Variants in STK10 observed in about 807,000 individuals in gnomAD.
The protein encoded by STK10 is serine/threonine-protein kinase 10.
STK10 carries 78 observed loss-of-function variants against 113.8 expected under a neutral mutation model. That is an observed-to-expected ratio of 0.69 (90% CI 0.57 to 0.83). The LOEUF (loss-of-function observed/expected upper bound fraction) is 0.83, where lower values mean the gene tolerates loss of function less well. STK10 is among the 40% of genes least tolerant of loss of function. The pLI, the probability that STK10 is intolerant of heterozygous loss-of-function variation, is 0.00. For synonymous variants in STK10, 465 were observed against 494.7 expected (o/e 0.94, Z 0.80); for missense variants, 1,109 against 1,280.1 (o/e 0.87, Z 2.04).
chr5:172,146,531 C>T (rs1200932615), intron 2 of STK10, among the ~76,000 whole-genome samples: 1 of 152,184 alleles, frequency 6.6e-6, no homozygotes, highest in Non-Finnish European at 1.5e-5. Context: ...GAATCATCTG[C>T]TCCTATCTCA....
intron 2 of STK10, among the ~76,000 whole-genome samples, chr5:172,139,132 A>G (rs993058885): frequency 6.6e-6 from 1 of 152,242 alleles, no homozygotes; most frequent in Non-Finnish European, 1.5e-5. Context: ...TGATCTACAG[A>G]TTCATTGTAA....
chr5:172,142,551 G>A (rs1769996756), intron 2 of STK10, among the ~76,000 whole-genome samples: 1 of 152,200 alleles, frequency 6.6e-6, no homozygotes, highest in South Asian at 2.1e-4. Flanking sequence ...ACTCTGTGCC[G>A]GGCCGTATGC....
At position 172,096,441 on chromosome 5, in the gene STK10, G is replaced by T. The variant is rs199947150; in HGVS notation, c.990C>A (p.Ala330=). Residue 330 remains alanine, a synonymous_variant, in exon 8 of 19, where the codon GCC becomes GCA. Transcript: ENST00000176763. ...CTGGCCTTACGGAGGCGGCATCCAC[G>T]GCGTCCTCCTCTTCCCCCTCATCCC... The part of the protein sequence containing the change: ...DGRDEGEEED[A]VDAASTLENH... 6.2e-7 allele frequency: 1 copy of T among 1,612,730 alleles called. No homozygotes were observed. Among genetic ancestry groups the T allele is most frequent in the South Asian group, 1.1e-5 (1 of 91,088 alleles).
Position 172,106,660 on chromosome 5 carries a change from C to CAG in STK10, c.747_748insCT (p.Ala250LeufsTer17), listed in dbSNP as rs781772199. 28 of 1,613,354 alleles carry CAG rather than the reference C, an allele frequency of 1.7e-5. No homozygotes were observed. Among genetic ancestry groups the CAG allele is most frequent in the Non-Finnish European group, 8.5e-7 (1 of 1,179,982 alleles). The stretch of plus-strand genomic sequence containing the variant: ...AGCAGCGTGGGAGGGTCCGACTTGG[C>CAG]GATCTTTAGCAGGACCCGCATGGGG... On this transcript the variant is annotated frameshift_variant, in exon 6 of 19. Transcript: ENST00000176763. LOFTEE classifies it high-confidence loss of function.
intron 2 of STK10, among the ~76,000 whole-genome samples, chr5:172,144,264 C>T (rs1210019318): frequency 1.3e-5 from 2 of 152,254 alleles, no homozygotes; most frequent in African/African-American, 4.8e-5. Flanking sequence ...CACGGGCAAG[C>T]TGCTTTCCCT....
chr5:172,074,161 T>C (rs547487258), intron 12 of STK10, among the ~76,000 whole-genome samples: 1 of 152,158 alleles, frequency 6.6e-6, no homozygotes, highest in Non-Finnish European at 1.5e-5. Context: ...AATCAAAAAC[T>C]CAGCAGGTAT....
In STK10 at chr5:172,093,891, C is replaced by T. The variant is rs552941936; in HGVS notation, c.1075G>A (p.Glu359Lys). The T allele has an allele frequency of 3.2e-5, 49 of 1,554,328 alleles. No individual in the cohort carries two copies. Among genetic ancestry groups the T allele is most frequent in the Middle Eastern group, 1.7e-4 (1 of 5,762 alleles). The change falls in exon 9 of 19, where the codon GAG (glutamate) becomes AAG (lysine). Residue 359 changes from glutamate to lysine, a missense_variant. Around this residue, in one of 5 missense-constraint regions of STK10, gnomAD observed 885 missense variants for 991.1 expected, o/e 0.89. Transcript: ENST00000176763. The surrounding 1 kb of genome is among the most constrained non-coding windows in gnomAD (Gnocchi z 4.1). ...GCCAGCGGGGTGGAAGGTGACTCCTCGAGAGGCTTGTCAGCATTGAGGCTT... is the reference window on the plus strand; with the variant it reads ...GCCAGCGGGGTGGAAGGTGACTCCTTGAGAGGCTTGTCAGCATTGAGGCTT... ...PPSLNADKPL[E>K]ESPSTPLAPS...
chr5:172,149,638 G>T (rs1379810346), intron 2 of STK10, among the ~76,000 whole-genome samples: 3 of 152,038 alleles, frequency 2.0e-5, no homozygotes, highest in Non-Finnish European at 4.4e-5. Context: ...AAATGGAAAG[G>T]GTTCTGGCAC....
At chr5:172,064,588 T>A in intron 13 of STK10, 132 bp downstream of exon 13, 1 of 877,594 alleles carries the variant, frequency 1.1e-6, no homozygotes, top group Non-Finnish European at 1.8e-6. Context: ...CCATGAAGGA[T>A]GAGGCCAGAT....
rs1267530095 is a variant in STK10, at chr5:172,133,203, T to C, written c.322-5782A>G. Among the ~76,000 whole-genome samples the C allele has an allele frequency of 6.6e-6, 1 of 152,194 alleles. No individual in the cohort carries two copies. The highest frequency in any genetic ancestry group is 1.5e-5 in the Non-Finnish European group (1 of 68,034). On this transcript the variant is annotated intron_variant, in intron 2 of 18. Transcript: ENST00000176763. This position sits in a 1 kb window ranked among gnomAD's most constrained non-coding sequence, Gnocchi z 4.9. ...TAATCTGGAGAGCTGTGTGTGCGTG[T>C]GTGCGTGTGTGTCTGGGGAGATACA...
rs953161422 is a variant in STK10, at chr5:172,171,734, T to C, written c.157-14946A>G. ...TTGTCTTAAAATAAAATAAAATGAA[T>C]AGAATAGAATAGAATAGAATAGAAT... On this transcript the variant is annotated intron_variant, in intron 1 of 18. Coordinates refer to ENST00000176763, the MANE Select transcript of STK10 (RefSeq NM_005990.4). Among the ~76,000 whole-genome samples, 13 of 150,876 alleles carry C rather than the reference T, an allele frequency of 8.6e-5. No individual in the cohort carries two copies. The South Asian group carries it at 2.5e-3, about 29-fold the overall frequency.
chr5:172,080,188 A>G (rs1482600933), intron 12 of STK10, among the ~76,000 whole-genome samples: 1 of 152,178 alleles, frequency 6.6e-6, no homozygotes, highest in Non-Finnish European at 1.5e-5. Flanking sequence ...AGCCCATATA[A>G]GACAGCAAAC....
intron 12 of STK10, among the ~76,000 whole-genome samples, chr5:172,068,953 T>C (rs1768126355): frequency 6.6e-6 from 1 of 151,616 alleles, no homozygotes; most frequent in Non-Finnish European, 1.5e-5. Context: ...GAAATTTACA[T>C]GGTTGTAAAG....
intron 2 of STK10, among the ~76,000 whole-genome samples, chr5:172,136,283 G>C (rs56010477): frequency 6.6e-6 from 1 of 152,146 alleles, no homozygotes; most frequent in Non-Finnish European, 1.5e-5. Context: ...AACTTCTAAG[G>C]AGACTGAACA....
intron 1 of STK10, among the ~76,000 whole-genome samples, chr5:172,179,469 G>A (rs1362232806): frequency 6.6e-6 from 1 of 152,204 alleles, no homozygotes; most frequent in East Asian, 1.9e-4. Flanking sequence ...GGCAGGCCAG[G>A]CCACAGGAGA....
intron 1 of STK10, among the ~76,000 whole-genome samples, chr5:172,167,156 C>T (rs1470854560): frequency 1.4e-5 from 2 of 142,438 alleles, no homozygotes; most frequent in Non-Finnish European, 3.0e-5. Context: ...AAGAATCTGT[C>T]TCAAAAAAAA....
At chr5:172,053,826 G>A (rs1767685402) in intron 17 of STK10, among the ~76,000 whole-genome samples, 1 of 152,258 alleles carries the variant, frequency 6.6e-6, no homozygotes, top group South Asian at 2.1e-4. Context: ...AGCGCTGCAT[G>A]CCTGTGGCCT....
At chr5:172,172,630 A>G (rs915576982) in intron 1 of STK10, among the ~76,000 whole-genome samples, 1 of 152,236 alleles carries the variant, frequency 6.6e-6, no homozygotes, top group African/African-American at 2.4e-5. Flanking sequence ...AGGGTTACAC[A>G]GCAATGCCAA....
chr5:172,186,277 C>G (rs1252972965), intron 1 of STK10, among the ~76,000 whole-genome samples: 1 of 151,090 alleles, frequency 6.6e-6, no homozygotes, highest in Non-Finnish European at 1.5e-5. Flanking sequence ...CTCCGTCTCA[C>G]AAAAAATAAA....
Sources: gnomAD v4.1 joint callset for allele counts (sites outside exome capture counted in the v4.1 genomes callset) on GRCh38, gnomAD v4.1.1 for gene constraint, gnomAD v4.1.1 regional missense constraint, Gnocchi (gnomAD v3.1) non-coding constraint, MANE v1.5 for transcripts, NCBI Gene and HGNC (gene_info 2026-07-23, HGNC 2026-07-21) for gene names.